CRTC3: variants seen among roughly 807,000 people sequenced by gnomAD.
CRTC3 encodes the protein CREB regulated transcription coactivator 3, also known as CREB-regulated transcription coactivator 3.
CRTC3 carries 26 observed loss-of-function variants against 74.5 expected under a neutral mutation model. The ratio of observed to expected loss-of-function variants is 0.35; its 90% CI spans 0.26 to 0.48. The LOEUF is 0.48. Among genes scored for constraint, CRTC3 ranks in the 20% least tolerant of loss-of-function variants. The pLI is 0.99. For missense variants in CRTC3, 760 were observed against 787.3 expected (o/e 0.97, Z 0.41); for synonymous variants, 377 against 325.8 (o/e 1.16, Z -1.69).
In CRTC3 at chr15:90,575,672, G is replaced by A. The variant is rs553206088; in HGVS notation, c.232-17964G>A. Among the ~76,000 whole-genome samples the A allele has an allele frequency of 5.3e-5, 8 of 152,052 alleles. No individual in the cohort carries two copies. In the East Asian group the frequency reaches 7.7e-4, roughly 15 times the overall value. On this transcript the variant is annotated intron_variant, in intron 2 of 14. Coordinates refer to ENST00000268184, the MANE Select transcript of CRTC3 (RefSeq NM_022769.5). Reference sequence around the variant, plus strand: ...TTCCTATTCTCTTTTATTAATCTGCGTGTCTATTCATACACCAGAATCACA... The same window carrying A: ...TTCCTATTCTCTTTTATTAATCTGCATGTCTATTCATACACCAGAATCACA...
chr15:90,593,771 C>T lies in CRTC3; in HGVS notation c.351+16C>T. The stretch of plus-strand genomic sequence containing the variant: ...AGGGCGACAAATATCCTTTTTTACT[C>T]TTCAAAGGGAGTGTGCATTCTGAAA... On this transcript the variant is annotated intron_variant, in intron 3 of 14. Transcript: ENST00000268184. The T allele has an allele frequency of 6.3e-7, 1 of 1,582,378 alleles. No individual in the cohort carries two copies. The highest frequency in any genetic ancestry group is 8.7e-7 in the Non-Finnish European group (1 of 1,155,308).
At chr15:90,628,417 C>A (rs527564910) in intron 10 of CRTC3, among the ~76,000 whole-genome samples, 1 of 152,270 alleles carries the variant, frequency 6.6e-6, no homozygotes, top group African/African-American at 2.4e-5. Flanking sequence ...TTGAGATACA[C>A]ACAGCAGCAG....
chr15:90,594,504 ACT>A (rs1255165657), intron 3 of CRTC3: 12 of 152,178 alleles, frequency 7.9e-5, no homozygotes, highest in African/African-American at 2.9e-4. Flanking sequence ...TCTTCTCAGT[ACT>A]CGGGCGCAGG....
At chr15:90,640,344 CCTT>C (rs1407442807) in intron 13 of CRTC3, among the ~76,000 whole-genome samples, 1 of 151,974 alleles carries the variant, frequency 6.6e-6, no homozygotes, top group East Asian at 1.9e-4. Flanking sequence ...TGAGTTTCCT[CCTT>C]CTGAGTGTGA....
chr15:90,577,996 A>T (rs940002710), intron 2 of CRTC3, among the ~76,000 whole-genome samples: 7 of 152,114 alleles, frequency 4.6e-5, no homozygotes, highest in South Asian at 4.2e-4. Context: ...TGCAACCTCC[A>T]TCTCCCGGAT....
chr15:90,638,018 T>C (rs1308971090), intron 11 of CRTC3: 1 of 166,928 alleles, frequency 6.0e-6, no homozygotes, highest in Non-Finnish European at 1.3e-5. Flanking sequence ...TTCTGTGCTG[T>C]TGTTTAGTGT....
intron 1 of CRTC3, among the ~76,000 whole-genome samples, chr15:90,537,866 C>T (rs1055828684): frequency 1.3e-5 from 2 of 152,202 alleles, no homozygotes; most frequent in Admixed American, 6.5e-5. Flanking sequence ...GGGGTTTCAC[C>T]GTGTTGGCCA....
intron 2 of CRTC3, among the ~76,000 whole-genome samples, chr15:90,551,670 C>A (rs1178675966): frequency 2.6e-5 from 4 of 152,230 alleles, no homozygotes; most frequent in Admixed American, 6.5e-5. Context: ...ATCTTCCCTT[C>A]CCTGCTCGTC....
chr15:90,637,701 G>A (rs991100352), intron 11 of CRTC3, among the ~76,000 whole-genome samples: 3 of 152,164 alleles, frequency 2.0e-5, no homozygotes, highest in East Asian at 1.9e-4. Context: ...GGGCCAGTGC[G>A]CAGAAGCACA....
At chr15:90,536,137 G>A (rs1269905519) in intron 1 of CRTC3, among the ~76,000 whole-genome samples, 2 of 152,176 alleles carry the variant, frequency 1.3e-5, no homozygotes, top group East Asian at 3.8e-4. Context: ...CTGTTCCAGT[G>A]ATTTGTATAT....
Position 90,530,129 on chromosome 15 carries a change from G to T in CRTC3, c.58G>T (p.Ala20Ser), listed in dbSNP as rs866917303. ...CCCGCGGAAGTTCAGTGAGAAGATCGCGCTGCACACGCAGAGACAGGCCGA... is the reference window on the plus strand; with the variant it reads ...CCCGCGGAAGTTCAGTGAGAAGATCTCGCTGCACACGCAGAGACAGGCCGA... Reference protein sequence around the residue: ...ANPRKFSEKIALHTQRQAEET... With the variant: ...ANPRKFSEKISLHTQRQAEET... Residue 20 changes from alanine to serine, a missense_variant, in exon 1 of 15, where the codon GCG (alanine) becomes TCG (serine). Ala to Ser is a moderately conservative substitution (Grantham distance 99). Around this residue, in one of 2 missense-constraint regions of CRTC3, gnomAD observed 108 missense variants for 152.1 expected, o/e 0.71. Coordinates refer to ENST00000268184, the MANE Select transcript of CRTC3 (RefSeq NM_022769.5). The surrounding 1 kb of genome is among the most constrained non-coding windows in gnomAD (Gnocchi z 6.2). 1 of 1,460,632 alleles carries T rather than the reference G, an allele frequency of 6.8e-7. No homozygotes were observed. Among genetic ancestry groups the T allele is most frequent in the East Asian group, 3.0e-5 (1 of 33,326 alleles). 90.5% of individuals were successfully genotyped at this position (1,460,632 alleles called of 1,614,324 possible). A position where few individuals can be genotyped will look rare whatever the true frequency, so the allele number is the denominator to read the frequency against.
chr15:90,552,180 G>A (rs1966860453), intron 2 of CRTC3, among the ~76,000 whole-genome samples: 1 of 152,284 alleles, frequency 6.6e-6, no homozygotes, highest in African/African-American at 2.4e-5. Flanking sequence ...GAAGAAATTG[G>A]CCCTTCCACA....
intron 4 of CRTC3, among the ~76,000 whole-genome samples, chr15:90,602,936 A>T (rs920089681): frequency 9.9e-5 from 15 of 151,290 alleles, no homozygotes; most frequent in East Asian, 5.9e-4. Flanking sequence ...ATCACGCCAC[A>T]GCACTCCAGC....
rs139786180 is a variant in CRTC3 at position 90,543,197 on chromosome 15, C to T, written c.231+3060C>T. ...CTCTGGTCCCAGCTACTTGGGAAGCCGAAGTGGGAGGATTGAGTGCTTGAG... is the reference window on the plus strand; with the variant it reads ...CTCTGGTCCCAGCTACTTGGGAAGCTGAAGTGGGAGGATTGAGTGCTTGAG... On this transcript the variant is annotated intron_variant, in intron 2 of 14. Transcript: ENST00000268184. Among the ~76,000 whole-genome samples, 901 of 147,492 alleles carry T rather than the reference C, an allele frequency of 6.1e-3. 2 individuals carry two copies. The highest frequency in any genetic ancestry group is 0.023 in the South Asian group (109 of 4,668).
chr15:90,579,460 G>T (rs1452633410), intron 2 of CRTC3, among the ~76,000 whole-genome samples: 4 of 152,070 alleles, frequency 2.6e-5, no homozygotes, highest in African/African-American at 7.2e-5. Flanking sequence ...GGGCTCTAAG[G>T]CTGGTTTATA....
At chr15:90,593,504 C>T (rs1967847090) in intron 2 of CRTC3, 132 bp from the exon 3 acceptor site, 1 of 945,682 alleles carries the variant, frequency 1.1e-6, no homozygotes, top group Non-Finnish European at 1.6e-6. Context: ...TTACCTTGAC[C>T]CAAGGCCCAC....
Position 90,639,447 on chromosome 15 carries a change from CTTT to C in CRTC3, c.1548+650_1548+652del, listed in dbSNP as rs144912546. Among the ~76,000 whole-genome samples the C allele has an allele frequency of 4.1e-3, 513 of 124,046 alleles. 3 individuals are homozygous for C. The highest frequency in any genetic ancestry group is 0.014 in the African/African-American group (444 of 32,778). The allele number at this position is 124,046 out of a possible 152,430, so 81.4% of individuals were successfully genotyped here. On this transcript the variant is annotated intron_variant, in intron 13 of 14. Transcript: ENST00000268184. ...AAGAAGGGTTGAACAGGTTCCAGAA[CTTT>C]TTTTTTTTTTTTTTTTTGAGACAGA... is the stretch of plus-strand genomic sequence containing the variant.
At chr15:90,628,083 G>A (rs371155301) in intron 10 of CRTC3, among the ~76,000 whole-genome samples, 38 of 151,308 alleles carry the variant, frequency 2.5e-4, no homozygotes, top group Middle Eastern at 3.5e-3. Context: ...CAGGCGTGGC[G>A]GCACATGCCT....
At chr15:90,587,375 A>T (rs903964086) in intron 2 of CRTC3, among the ~76,000 whole-genome samples, 1 of 152,204 alleles carries the variant, frequency 6.6e-6, no homozygotes, top group Non-Finnish European at 1.5e-5. Context: ...TTCATTACAG[A>T]AAGAGTTCTG....
Sources: allele counts gnomAD v4.1 joint callset (sites outside exome capture counted in the v4.1 genomes callset), GRCh38; gene constraint gnomAD v4.1.1; regional missense constraint gnomAD v4.1.1; non-coding constraint Gnocchi (gnomAD v3.1); transcripts MANE v1.5; gene names NCBI Gene and HGNC (gene_info 2026-07-23, HGNC 2026-07-21).